The following WDPCP variants were observed in gnomAD, a reference collection of about 807,000 sequenced individuals.
WDPCP encodes the protein WD repeat-containing and planar cell polarity effector protein fritz homolog.
Under a neutral mutation model 93.1 loss-of-function variants are expected in WDPCP, and 71 were observed. The ratio of observed to expected loss-of-function variants is 0.76; its 90% CI spans 0.63 to 0.93. The LOEUF (loss-of-function observed/expected upper bound fraction) is 0.93, where lower values mean the gene tolerates loss of function less well. Among genes scored for constraint, WDPCP ranks in the 40% least tolerant of loss-of-function variants. The pLI, the probability that WDPCP is intolerant of heterozygous loss-of-function variation, is 0.00. For synonymous variants in WDPCP, 315 were observed against 315.0 expected (o/e 1.00, Z 0.00); for missense variants, 844 against 887.4 (o/e 0.95, Z 0.62).
chr2:63,622,147 C>A (rs1709747602), intron 3 of WDPCP: 3 of 1,529,818 alleles, frequency 2.0e-6, no homozygotes, highest in African/African-American at 3.0e-5. Flanking sequence ...GCCTAGCTGT[C>A]TGGGTTGCTG....
chr2:63,607,898 A>AGAT (rs979809294), intron 3 of WDPCP, among the ~76,000 whole-genome samples: 5 of 152,082 alleles, frequency 3.3e-5, no homozygotes, highest in South Asian at 2.1e-4. Context: ...ATTTTGAGAT[A>AGAT]GATATATATA....
At chr2:63,171,664 A>C (rs925623212) in intron 15 of WDPCP, among the ~76,000 whole-genome samples, 3 of 152,254 alleles carry the variant, frequency 2.0e-5, no homozygotes, top group African/African-American at 4.8e-5. Context: ...ACTTAGAATA[A>C]GACCCAGCAA....
intron 13 of WDPCP, among the ~76,000 whole-genome samples, chr2:63,293,197 G>A (rs184264090): frequency 7.2e-5 from 11 of 152,092 alleles, no homozygotes; most frequent in African/African-American, 1.2e-4. Flanking sequence ...GCCCCTTTGC[G>A]AACCAAACAT....
intron 3 of WDPCP, among the ~76,000 whole-genome samples, chr2:63,624,526 A>G (rs894313918): frequency 4.6e-5 from 7 of 152,230 alleles, no homozygotes; most frequent in African/African-American, 1.7e-4. Flanking sequence ...AGAAATACAA[A>G]CTACCATCAG....
chr2:63,166,278 G>C (rs1271083646), intron 15 of WDPCP, among the ~76,000 whole-genome samples: 2 of 152,016 alleles, frequency 1.3e-5, no homozygotes, highest in African/African-American at 2.4e-5. Flanking sequence ...TGTTGGCCAG[G>C]CTGGTCTCAA....
chr2:63,607,127 C>A, intron 3 of WDPCP: 1 of 762,108 alleles, frequency 1.3e-6, no homozygotes, highest in Non-Finnish European at 2.0e-6. Context: ...CTTCTTGGTA[C>A]AGGTTTGTGA....
intron 2 of WDPCP, among the ~76,000 whole-genome samples, chr2:63,693,392 A>T (rs1238916450): frequency 6.6e-6 from 1 of 152,142 alleles, no homozygotes; most frequent in African/African-American, 2.4e-5. Flanking sequence ...TTAAAAATAT[A>T]ACCAAGCAAA....
At chr2:63,392,740 A>G (rs1020529068) in intron 10 of WDPCP, among the ~76,000 whole-genome samples, 6 of 152,232 alleles carry the variant, frequency 3.9e-5, no homozygotes, top group African/African-American at 1.4e-4. Flanking sequence ...ATGAACAGAC[A>G]CTTTTCAAAA....
chr2:63,702,187 G>A (rs899478766), intron 2 of WDPCP, among the ~76,000 whole-genome samples: 37 of 152,002 alleles, frequency 2.4e-4, no homozygotes, highest in African/African-American at 7.5e-4. Context: ...CACCACACCC[G>A]GCTAATTTTT....
chr2:63,678,360 C>T (rs1336090819), intron 2 of WDPCP, among the ~76,000 whole-genome samples: 2 of 152,224 alleles, frequency 1.3e-5, no homozygotes, highest in African/African-American at 4.8e-5. Flanking sequence ...CTGCTACTCA[C>T]ATCCTCTTGG....
chr2:63,384,506 C>A (rs1049992898), intron 10 of WDPCP, among the ~76,000 whole-genome samples: 1 of 152,096 alleles, frequency 6.6e-6, no homozygotes, highest in Non-Finnish European at 1.5e-5. Context: ...TACACACACA[C>A]ACACGTGCAC....
intron 1 of WDPCP, among the ~76,000 whole-genome samples, chr2:63,524,398 AACAG>A (rs1382967751): frequency 2.6e-5 from 4 of 152,232 alleles, no homozygotes; most frequent in Admixed American, 6.5e-5. Flanking sequence ...CTAGTACAAA[AACAG>A]ACAGAGAGAC....
intron 2 of WDPCP, among the ~76,000 whole-genome samples, chr2:63,742,808 C>A (rs919953217): frequency 4.0e-5 from 6 of 150,968 alleles, no homozygotes; most frequent in African/African-American, 1.5e-4. Flanking sequence ...AACTCTATAC[C>A]CAGTCCTTGC....
chr2:63,149,158 A>G (rs1396038604), intron 17 of WDPCP, among the ~76,000 whole-genome samples: 3 of 152,214 alleles, frequency 2.0e-5, no homozygotes, highest in Non-Finnish European at 2.9e-5. Flanking sequence ...AAAGACTACT[A>G]CAAATCAGTG....
chr2:63,821,979 G>A lies in WDPCP; in HGVS notation n.222+5643C>T, dbSNP rs537428296. Reference sequence around the variant, plus strand: ...CTCTGTGTGAGGGAAGAGGGATTACGATTGTTGAGATATACTGTGAAACAA... The same window carrying A: ...CTCTGTGTGAGGGAAGAGGGATTACAATTGTTGAGATATACTGTGAAACAA... On this transcript the variant is annotated intron_variant and non_coding_transcript_variant, in intron 1 of 4. Transcript: ENST00000467687. Among the ~76,000 whole-genome samples the A allele has an allele frequency of 5.9e-5, 9 of 152,224 alleles. No individual in the cohort carries two copies. The East Asian group carries it at 1.4e-3, about 23-fold the overall frequency.
At chr2:63,654,522 CTT>C (rs1428228185) in intron 2 of WDPCP, among the ~76,000 whole-genome samples, 1 of 152,320 alleles carries the variant, frequency 6.6e-6, no homozygotes, top group Admixed American at 6.5e-5. Context: ...TCCTCACTCT[CTT>C]GTCTTCTCCT....
At chr2:63,508,604 A>G (rs1043125385) in intron 1 of WDPCP, among the ~76,000 whole-genome samples, 2 of 152,178 alleles carry the variant, frequency 1.3e-5, no homozygotes, top group Non-Finnish European at 2.9e-5. Context: ...TTAACTGTAA[A>G]CTGGCCAAAT....
chr2:63,255,283 A>AT (rs1681042396), intron 14 of WDPCP, among the ~76,000 whole-genome samples: 1 of 152,200 alleles, frequency 6.6e-6, no homozygotes, highest in Non-Finnish European at 1.5e-5. Flanking sequence ...CAGTGCAATA[A>AT]TAAGGAAAGA....
At chr2:63,764,447 G>A (rs1670108641) in intron 2 of WDPCP, among the ~76,000 whole-genome samples, 1 of 152,130 alleles carries the variant, frequency 6.6e-6, no homozygotes, top group Admixed American at 6.5e-5. Context: ...AGGCCTCTGA[G>A]AAAGCTACCT....
Sources: gnomAD v4.1 joint callset for allele counts (sites outside exome capture counted in the v4.1 genomes callset) on GRCh38, gnomAD v4.1.1 for gene constraint, MANE v1.5 for transcripts, NCBI Gene and HGNC (gene_info 2026-07-23, HGNC 2026-07-21) for gene names.